The following TMCC1 variants were observed in gnomAD, a reference collection of about 807,000 sequenced individuals.
TMCC1 encodes transmembrane and coiled-coil domain family 1.
TMCC1 carries 15 observed loss-of-function variants against 52.4 expected under a neutral mutation model. The ratio of observed to expected loss-of-function variants is 0.29; its 90% CI spans 0.19 to 0.44. The LOEUF is 0.44. Among genes scored for constraint, TMCC1 ranks in the 20% least tolerant of loss-of-function variants. The pLI is 1.00. For missense variants in TMCC1, 503 were observed against 806.0 expected (o/e 0.62, Z 4.55); for synonymous variants, 279 against 301.9 (o/e 0.92, Z 0.79).
At chr3:129,720,636 G>A (rs1371012482) in intron 4 of TMCC1, among the ~76,000 whole-genome samples, 1 of 152,096 alleles carries the variant, frequency 6.6e-6, no homozygotes, top group East Asian at 1.9e-4. Context: ...CCACCTAGTG[G>A]AGCCCAGCCC....
At chr3:129,682,764 C>T (rs2089103921) in intron 4 of TMCC1, among the ~76,000 whole-genome samples, 1 of 152,166 alleles carries the variant, frequency 6.6e-6, no homozygotes, top group African/African-American at 2.4e-5. Context: ...CCTTATAAAC[C>T]TGTTTTCATC....
At chr3:129,843,309 T>A (rs1403371820) in intron 2 of TMCC1, among the ~76,000 whole-genome samples, 1 of 151,290 alleles carries the variant, frequency 6.6e-6, no homozygotes, top group Non-Finnish European at 1.5e-5. Context: ...ATCGCACCAC[T>A]GCACTCCAGC....
intron 4 of TMCC1, among the ~76,000 whole-genome samples, chr3:129,814,009 C>A: frequency 6.7e-6 from 1 of 148,894 alleles, no homozygotes; most frequent in Non-Finnish European, 1.5e-5. Context: ...TATAATAAAG[C>A]AGGGTAAGTG....
In TMCC1 at chr3:129,794,684, C is replaced by T. The variant is rs182940478; in HGVS notation, c.576+33119G>A. On this transcript the variant is annotated intron_variant, in intron 4 of 6. Transcript: ENST00000393238. The stretch of plus-strand genomic sequence containing the variant: ...CTTCCCTTTCCACCAGACCAGTAGG[C>T]GAGGATGCCGCTGTGGTGCTACCTG... Among the ~76,000 whole-genome samples, 15 of 152,088 alleles carry T rather than the reference C, an allele frequency of 9.9e-5. No homozygotes were observed. In the East Asian group the frequency reaches 1.5e-3, roughly 16 times the overall value.
Position 129,677,940 on chromosome 3 carries a change from T to C in TMCC1, c.577-6676A>G, listed in dbSNP as rs181731776. On this transcript the variant is annotated intron_variant, in intron 4 of 6. Coordinates refer to ENST00000393238, the MANE Select transcript of TMCC1 (RefSeq NM_001017395.5). The stretch of plus-strand genomic sequence containing the variant: ...CAACAGTCGGTTCATTTTTTATTTG[T>C]TTTTGAGACAGAGTCTCGCTCTGTC... Among the ~76,000 whole-genome samples the C allele has an allele frequency of 6.1e-3, 936 of 152,352 alleles. 5 individuals carry two copies. Among genetic ancestry groups the C allele is most frequent in the Non-Finnish European group, 0.011 (731 of 68,018 alleles).
intron 1 of TMCC1, among the ~76,000 whole-genome samples, chr3:129,891,248 T>C (rs2061952664): frequency 6.6e-6 from 1 of 152,242 alleles, no homozygotes; most frequent in Admixed American, 6.5e-5. Flanking sequence ...TAATTCATAT[T>C]AGGGGTCAGC....
intron 4 of TMCC1, chr3:129,794,457 G>A (rs2056684646): frequency 6.7e-6 from 3 of 447,018 alleles, no homozygotes; most frequent in South Asian, 3.2e-5. Context: ...TTTGAAGACT[G>A]CCAGAGAAGT....
In TMCC1 at chr3:129,856,315, G is replaced by A. The variant is rs139399914; in HGVS notation, c.-183-23489C>T. The stretch of plus-strand genomic sequence containing the variant: ...GCCAGTGGTCAGGAGCACAGGTAGC[G>A]AAGGGACCTCCAAATTTGTGGCTGG... On this transcript the variant is annotated intron_variant, in intron 2 of 6. Coordinates refer to ENST00000393238, the MANE Select transcript of TMCC1 (RefSeq NM_001017395.5). Among the ~76,000 whole-genome samples the A allele has an allele frequency of 1.5e-3, 232 of 152,292 alleles. 1 individual carries two copies. Among genetic ancestry groups the A allele is most frequent in the African/African-American group, 3.7e-3 (153 of 41,562 alleles).
Position 129,651,839 on chromosome 3 carries a change from T to C in TMCC1, c.1648-44A>G. The stretch of plus-strand genomic sequence containing the variant: ...AAGAGTTAAGCCTTCTGCTCACAAG[T>C]ATTCTGAGATGCTGACATGCCCCCT... On this transcript the variant is annotated intron_variant, in intron 6 of 6. Transcript: ENST00000393238. This position sits in a 1 kb window ranked among gnomAD's most constrained non-coding sequence, Gnocchi z 5.1. 6.4e-7 allele frequency: 1 copy of C among 1,568,670 alleles called. No homozygotes were observed. Among genetic ancestry groups the C allele is most frequent in the Non-Finnish European group, 8.6e-7 (1 of 1,158,116 alleles).
intron 5 of TMCC1, among the ~76,000 whole-genome samples, chr3:129,662,586 C>T (rs952994556): frequency 2.0e-5 from 3 of 151,858 alleles, no homozygotes; most frequent in African/African-American, 7.3e-5. Flanking sequence ...TTCAGTGAGC[C>T]GAGACTGTAC....
chr3:129,699,427 G>A (rs145644426), intron 4 of TMCC1, among the ~76,000 whole-genome samples: 20 of 152,284 alleles, frequency 1.3e-4, no homozygotes, highest in African/African-American at 4.6e-4. Context: ...AAAGTGGGAG[G>A]AACCTTGAGT....
chr3:129,852,456 CAAAAAAAAA>C (rs1015860543), intron 2 of TMCC1, among the ~76,000 whole-genome samples: 1 of 39,826 alleles, frequency 2.5e-5, no homozygotes, highest in African/African-American at 9.3e-5. Flanking sequence ...GACACCGTCT[CAAAAAAAAA>C]AAAAAAAAAA....
intron 5 of TMCC1, among the ~76,000 whole-genome samples, chr3:129,656,459 T>A (rs2086674483): frequency 6.6e-6 from 1 of 152,208 alleles, no homozygotes; most frequent in Non-Finnish European, 1.5e-5. Flanking sequence ...CTATCTCCTT[T>A]CTTTCTTCTT....
At chr3:129,783,928 A>G (rs955613005) in intron 4 of TMCC1, among the ~76,000 whole-genome samples, 27 of 152,012 alleles carry the variant, frequency 1.8e-4, no homozygotes, top group Non-Finnish European at 5.9e-5. Flanking sequence ...TAGCTCGGAA[A>G]GAATATTGGC....
At chr3:129,730,340 T>C (rs1207981391) in intron 4 of TMCC1, among the ~76,000 whole-genome samples, 2 of 152,214 alleles carry the variant, frequency 1.3e-5, no homozygotes, top group African/African-American at 4.8e-5. Flanking sequence ...TTAATTTTTA[T>C]ATAAGGTGTG....
intron 2 of TMCC1, among the ~76,000 whole-genome samples, chr3:129,863,325 T>C (rs1022952953): frequency 6.6e-6 from 1 of 152,192 alleles, no homozygotes. Context: ...GCATGTGATG[T>C]AAGAATAAGA....
At chr3:129,823,933 T>C (rs2058541652) in intron 4 of TMCC1, among the ~76,000 whole-genome samples, 1 of 152,202 alleles carries the variant, frequency 6.6e-6, no homozygotes, top group South Asian at 2.1e-4. Flanking sequence ...ACCATTTTGT[T>C]GTATAAAGGA....
At chr3:129,747,114 CATTT>C (rs2052047972) in intron 4 of TMCC1, among the ~76,000 whole-genome samples, 1 of 152,140 alleles carries the variant, frequency 6.6e-6, no homozygotes, top group Admixed American at 6.5e-5. Context: ...TTAAAACCTA[CATTT>C]AATTAGGCCA....
chr3:129,788,636 T>C (rs910552389), intron 4 of TMCC1, among the ~76,000 whole-genome samples: 24 of 151,644 alleles, frequency 1.6e-4, no homozygotes, highest in African/African-American at 5.8e-4. Flanking sequence ...CTAATTTTTT[T>C]TTTTTGTATT....
Sources: allele counts gnomAD v4.1 joint callset (sites outside exome capture counted in the v4.1 genomes callset), GRCh38; gene constraint gnomAD v4.1.1; non-coding constraint Gnocchi (gnomAD v3.1); transcripts MANE v1.5; gene names NCBI Gene and HGNC (gene_info 2026-07-23, HGNC 2026-07-21).